The following ADAMTS3 variants were observed in gnomAD, a reference collection of about 807,000 sequenced individuals.
ADAMTS3 encodes the protein A disintegrin and metalloproteinase with thrombospondin motifs 3.
In ADAMTS3, 73 loss-of-function variants were observed where a neutral mutation model predicts 129.0. The observed-to-expected ratio is 0.57, with a 90% confidence interval of 0.47 to 0.69. The LOEUF is 0.69. Among genes scored for constraint, ADAMTS3 ranks in the 30% least tolerant of loss-of-function variants. The pLI is 0.00. For synonymous variants in ADAMTS3, 477 were observed against 510.8 expected, an observed-to-expected ratio of 0.93 and a Z score of 0.89; for missense variants, 1,457 against 1,514.5, an observed-to-expected ratio of 0.96 and a Z score of 0.63.
At chr4:72,533,401 C>A (rs899531056) in intron 3 of ADAMTS3, among the ~76,000 whole-genome samples, 13 of 152,026 alleles carry the variant, frequency 8.6e-5, no homozygotes, top group African/African-American at 3.1e-4. Flanking sequence ...TCTTCTGGAA[C>A]ACCTCCTGAA....
chr4:72,547,130 AT>A (rs1481780585), intron 3 of ADAMTS3, among the ~76,000 whole-genome samples: 20 of 152,240 alleles, frequency 1.3e-4, no homozygotes, highest in African/African-American at 1.7e-4. Context: ...GAAGTAGAGC[AT>A]TTTTCTAGAT....
chr4:72,322,974 A>G, intron 6 of ADAMTS3, 40 bp downstream of exon 6: 1 of 1,484,642 alleles, frequency 6.7e-7, no homozygotes, highest in Non-Finnish European at 9.4e-7. Context: ...TTGCTAACCC[A>G]GTCCCTAATG....
At chr4:72,358,294 C>G (rs1286648198) in intron 4 of ADAMTS3, among the ~76,000 whole-genome samples, 1 of 151,884 alleles carries the variant, frequency 6.6e-6, no homozygotes, top group African/African-American at 2.4e-5. Flanking sequence ...TTCCAGCTAT[C>G]CTTAAGAGAA....
chr4:72,567,339 TTAAGA>T lies in ADAMTS3; in HGVS notation c.97+30_97+34del, dbSNP rs149497029. 4.5e-3 allele frequency: 7,309 copies of T among 1,607,574 alleles called. 284 individuals are homozygous for T. The African/African-American group carries it at 0.086, about 19-fold the overall frequency. On this transcript the variant is annotated intron_variant, in intron 2 of 21. Transcript: ENST00000286657. ...CTCACTTCATTCCCTTACTTTCAAC[TTAAGA>T]TAAGAGTGACATCTGAGAACAAAGC... is the stretch of plus-strand genomic sequence containing the variant.
At chr4:72,458,494 A>G (rs1718683348) in intron 3 of ADAMTS3, among the ~76,000 whole-genome samples, 1 of 151,640 alleles carries the variant, frequency 6.6e-6, no homozygotes, top group African/African-American at 2.4e-5. Context: ...CTGGTATTTA[A>G]GTTAAGTGGT....
At chr4:72,314,768 T>A (rs1356670854) in intron 11 of ADAMTS3, among the ~76,000 whole-genome samples, 10 of 152,208 alleles carry the variant, frequency 6.6e-5, no homozygotes, top group Non-Finnish European at 2.9e-5. Context: ...GTGCCTAATA[T>A]AATGCAAACA....
intron 4 of ADAMTS3, among the ~76,000 whole-genome samples, chr4:72,384,027 T>A (rs948169877): frequency 5.3e-5 from 8 of 150,986 alleles, no homozygotes; most frequent in Non-Finnish European, 1.2e-4. Flanking sequence ...ATATATATAT[T>A]TTAAAAATCA....
chr4:72,356,027 T>G (rs1481282272), intron 4 of ADAMTS3, among the ~76,000 whole-genome samples: 1 of 151,882 alleles, frequency 6.6e-6, no homozygotes, highest in Non-Finnish European at 1.5e-5. Flanking sequence ...CGGTAATTAA[T>G]TACTAAGTCC....
At chr4:72,508,818 C>T (rs1331224530) in intron 3 of ADAMTS3, among the ~76,000 whole-genome samples, 1 of 151,948 alleles carries the variant, frequency 6.6e-6, no homozygotes, top group Non-Finnish European at 1.5e-5. Context: ...ACATTTCATC[C>T]AAGAGCTGTA....
chr4:72,552,923 T>G (rs1381904527), intron 2 of ADAMTS3, among the ~76,000 whole-genome samples: 1 of 152,224 alleles, frequency 6.6e-6, no homozygotes. Flanking sequence ...TATTTATATA[T>G]TCTTATATCT....
At chr4:72,445,164 T>A (rs1316306251) in intron 3 of ADAMTS3, among the ~76,000 whole-genome samples, 1 of 151,770 alleles carries the variant, frequency 6.6e-6, no homozygotes. Context: ...TAGAAACCAC[T>A]GCATTTTAAA....
chr4:72,374,348 T>A (rs1191809217), intron 4 of ADAMTS3, among the ~76,000 whole-genome samples: 1 of 151,942 alleles, frequency 6.6e-6, no homozygotes, highest in Non-Finnish European at 1.5e-5. Context: ...ATGCTTTGAA[T>A]CACCCAAGCC....
intron 4 of ADAMTS3, among the ~76,000 whole-genome samples, chr4:72,361,178 T>C (rs1020143351): frequency 2.6e-5 from 4 of 152,162 alleles, no homozygotes; most frequent in South Asian, 2.1e-4. Context: ...AAACAAACAA[T>C]GGAAATTATA....
At chr4:72,346,047 C>T (rs1265801332) in intron 4 of ADAMTS3, among the ~76,000 whole-genome samples, 2 of 152,082 alleles carry the variant, frequency 1.3e-5, no homozygotes, top group African/African-American at 4.8e-5. Flanking sequence ...CAGTTCTTTT[C>T]ATCTTTCCAT....
intron 4 of ADAMTS3, among the ~76,000 whole-genome samples, chr4:72,412,505 A>G (rs1560506203): frequency 6.6e-6 from 1 of 152,054 alleles, no homozygotes; most frequent in African/African-American, 2.4e-5. Flanking sequence ...AGAATTTGAA[A>G]GTTCTGAATC....
rs1342893403 is a variant in ADAMTS3, at chr4:72,318,622, C to G, written c.1435G>C (p.Asp479His). 3 of 1,613,724 alleles carry G rather than the reference C, an allele frequency of 1.9e-6. No homozygotes were observed. Among genetic ancestry groups the G allele is most frequent in the Admixed American group, 3.3e-5 (2 of 59,998 alleles). ...PELPGINYSM[D>H]EQCRFDFGVG... ...CCAAAATCAAAACGACATTGCTCAT[C>G]CATAGAATAATTGATTCCAGGAAGT... Residue 479 changes from aspartate (D) to histidine (H), a missense_variant, in exon 10 of 22, where the codon GAT becomes CAT. Physicochemically the swap from Asp to His is moderately conservative, Grantham distance 81. Coordinates refer to ENST00000286657, the MANE Select transcript of ADAMTS3 (RefSeq NM_014243.3).
intron 3 of ADAMTS3, among the ~76,000 whole-genome samples, chr4:72,514,418 A>G (rs943954733): frequency 3.9e-5 from 6 of 152,180 alleles, no homozygotes; most frequent in African/African-American, 1.4e-4. Context: ...AAAACCATGA[A>G]AAACAAACAT....
intron 3 of ADAMTS3, among the ~76,000 whole-genome samples, chr4:72,502,171 G>A (rs189324170): frequency 1.3e-5 from 2 of 152,146 alleles, no homozygotes; most frequent in East Asian, 3.9e-4. Flanking sequence ...ATTTTTTGGA[G>A]TAGTTACAGT....
At chr4:72,398,472 G>C (rs1002088871) in intron 4 of ADAMTS3, among the ~76,000 whole-genome samples, 2 of 152,158 alleles carry the variant, frequency 1.3e-5, no homozygotes, top group African/African-American at 4.8e-5. Context: ...CTACTTGGGA[G>C]GCTGAGACAG....
Sources: gnomAD v4.1 joint callset for allele counts (sites outside exome capture counted in the v4.1 genomes callset) on GRCh38, gnomAD v4.1.1 for gene constraint, MANE v1.5 for transcripts, NCBI Gene and HGNC (gene_info 2026-07-23, HGNC 2026-07-21) for gene names.